Variants in TTC7A observed in about 807,000 individuals in gnomAD.
The protein encoded by TTC7A is tetratricopeptide repeat protein 7A.
In TTC7A, 110 loss-of-function variants were observed where a neutral mutation model predicts 103.7. That is an observed-to-expected ratio of 1.06 (90% CI 0.91 to 1.24). The LOEUF is 1.24. Among genes scored for constraint, TTC7A ranks in the 50% most tolerant of loss-of-function variants. The probability of loss-of-function intolerance (pLI) is 0.00; values close to 1 mark genes in which losing one functional copy is unlikely to be tolerated. For synonymous variants in TTC7A, 521 were observed against 467.9 expected, an observed-to-expected ratio of 1.11 and a Z score of -1.47; for missense variants, 1,340 against 1,116.3, an observed-to-expected ratio of 1.20 and a Z score of -2.86.
intron 2 of TTC7A, among the ~76,000 whole-genome samples, chr2:46,931,418 C>T (rs183788166): frequency 6.9e-4 from 105 of 152,286 alleles, no homozygotes; most frequent in African/African-American, 2.4e-3. Context: ...AAGGACTTTG[C>T]AGAGGTGATT....
At chr2:47,008,054 G>T (rs1193200099) in intron 10 of TTC7A, among the ~76,000 whole-genome samples, 1 of 152,222 alleles carries the variant, frequency 6.6e-6, no homozygotes, top group African/African-American at 2.4e-5. Flanking sequence ...GAAGGCACCG[G>T]TCAGCCTGGG....
intron 11 of TTC7A, among the ~76,000 whole-genome samples, chr2:47,016,823 C>G (rs1344491931): frequency 2.0e-5 from 3 of 152,166 alleles, no homozygotes; most frequent in Non-Finnish European, 4.4e-5. Flanking sequence ...GGCGCTGGGC[C>G]AGTCTGCAGC....
At chr2:47,062,208 A>T (rs760506451) in intron 19 of TTC7A, among the ~76,000 whole-genome samples, 2 of 152,236 alleles carry the variant, frequency 1.3e-5, no homozygotes, top group Non-Finnish European at 2.9e-5. Context: ...AGAGAATGCA[A>T]CGTCATGGGG....
chr2:46,929,145 T>A (rs115878426), intron 2 of TTC7A, among the ~76,000 whole-genome samples: 6 of 151,608 alleles, frequency 4.0e-5, no homozygotes, highest in African/African-American at 1.5e-4. Context: ...CCTGGGGCAA[T>A]AGAGTGGGAC....
intron 2 of TTC7A, among the ~76,000 whole-genome samples, chr2:46,918,730 A>G (rs558815778): frequency 6.6e-6 from 1 of 152,326 alleles, no homozygotes; most frequent in African/African-American, 2.4e-5. Context: ...AACCAATGCT[A>G]TATTTTTGGA....
rs1268744485 is a variant in TTC7A at position 47,006,690 on chromosome 2, A to G, written c.1253A>G (p.Tyr418Cys). Residue 418 changes from tyrosine to cysteine, a missense_variant, in exon 10 of 20, where the codon TAC becomes TGC. Transcript: ENST00000319190. ...GCGTTTGGAGAATTTCACCTTTGGT[A>G]CCAGGTGGCCCTCTCCATGGTGGCT... ...KFAFGEFHLW[Y>C]QVALSMVACG... 2 of 1,614,160 alleles carry G rather than the reference A, an allele frequency of 1.2e-6. No individual in the cohort carries two copies. The highest frequency in any genetic ancestry group is 8.5e-7 in the Non-Finnish European group (1 of 1,179,986).
chr2:47,012,019 C>T (rs903355787), intron 11 of TTC7A, among the ~76,000 whole-genome samples: 1 of 152,230 alleles, frequency 6.6e-6, no homozygotes, highest in South Asian at 2.1e-4. Context: ...GGCCTTTAAC[C>T]CCCCAGTTGG....
At chr2:46,983,272 G>T (rs532895023) in intron 5 of TTC7A, among the ~76,000 whole-genome samples, 143 of 152,328 alleles carry the variant, frequency 9.4e-4, no homozygotes, top group Non-Finnish European at 1.6e-3. Flanking sequence ...CAGAGATGGG[G>T]CTGAGGACGG....
intron 18 of TTC7A, chr2:47,054,202 G>A: frequency 4.1e-6 from 4 of 982,324 alleles, no homozygotes; most frequent in South Asian, 4.7e-5. Flanking sequence ...GCATGTAGCA[G>A]ATCCAAAATA....
At chr2:47,065,407 A>C (rs183560321) in intron 19 of TTC7A, among the ~76,000 whole-genome samples, 237 of 152,360 alleles carry the variant, frequency 1.6e-3, no homozygotes, top group African/African-American at 5.3e-3. Flanking sequence ...TGGGGATGGC[A>C]AATTGTGGGA....
Position 47,007,774 on chromosome 2 carries a change from G to A in TTC7A, c.1287+1050G>A. Among the ~76,000 whole-genome samples the A allele has an allele frequency of 6.6e-6, 1 of 152,196 alleles. No homozygotes were observed. Among genetic ancestry groups the A allele is most frequent in the East Asian group, 1.9e-4 (1 of 5,192 alleles). On this transcript the variant is annotated intron_variant, in intron 10 of 19. Coordinates refer to ENST00000319190, the MANE Select transcript of TTC7A (RefSeq NM_020458.4). The surrounding 1 kb of genome is among the most constrained non-coding windows in gnomAD (Gnocchi z 4.9). ...CCCTACCCCCATCTGCTGGGCATGT[G>A]TCTTTCCAAACCTCTCTCCTCTCCC... is the stretch of plus-strand genomic sequence containing the variant.
At chr2:47,068,943 G>T (rs1044929336) in intron 19 of TTC7A, among the ~76,000 whole-genome samples, 6 of 147,218 alleles carry the variant, frequency 4.1e-5, no homozygotes, top group Non-Finnish European at 6.0e-5. Flanking sequence ...TCCCTGTCCA[G>T]CAGCCCCCTC....
chr2:47,006,082 C>T, intron 9 of TTC7A, 23 bp downstream of exon 9: 13 of 1,608,340 alleles, frequency 8.1e-6, no homozygotes, highest in Middle Eastern at 3.3e-4. Context: ...ATGCAGCCCA[C>T]CCCACTCTCC....
intron 2 of TTC7A, among the ~76,000 whole-genome samples, chr2:46,952,313 C>A (rs530531781): frequency 6.6e-6 from 1 of 152,130 alleles, no homozygotes; most frequent in Non-Finnish European, 1.5e-5. Context: ...GGGGTTCAAG[C>A]TTTTCCCACC....
chr2:47,070,492 A>G (rs765982784), intron 19 of TTC7A, among the ~76,000 whole-genome samples: 1 of 152,088 alleles, frequency 6.6e-6, no homozygotes, highest in Non-Finnish European at 1.5e-5. Flanking sequence ...TCCTTTGGGG[A>G]ATAACAAAGC....
intron 18 of TTC7A, among the ~76,000 whole-genome samples, chr2:47,059,425 GCT>G (rs1683590699): frequency 6.6e-6 from 1 of 152,148 alleles, no homozygotes; most frequent in South Asian, 2.1e-4. Flanking sequence ...TGGCCCATCA[GCT>G]CTCCATCAGG....
chr2:47,061,105 G>T (rs981048773), intron 19 of TTC7A, 134 bp downstream of exon 19: 15 of 936,588 alleles, frequency 1.6e-5, no homozygotes, highest in African/African-American at 1.2e-4. Context: ...GTGTCTAGGG[G>T]AGGGGGCTTC....
At chr2:47,071,728 G>A (rs902300653) in intron 19 of TTC7A, among the ~76,000 whole-genome samples, 9 of 152,112 alleles carry the variant, frequency 5.9e-5, no homozygotes, top group East Asian at 1.9e-4. Flanking sequence ...GCAAACCTCC[G>A]AAACTGAGAA....
At chr2:46,927,233 A>G (rs1669432563) in intron 2 of TTC7A, among the ~76,000 whole-genome samples, 1 of 152,164 alleles carries the variant, frequency 6.6e-6, no homozygotes, top group Non-Finnish European at 1.5e-5. Context: ...TTACAAGATC[A>G]GGATCAAAAA....
Sources: gnomAD v4.1 joint callset for allele counts (sites outside exome capture counted in the v4.1 genomes callset) on GRCh38, gnomAD v4.1.1 for gene constraint, Gnocchi (gnomAD v3.1) non-coding constraint, MANE v1.5 for transcripts, NCBI Gene and HGNC (gene_info 2026-07-23, HGNC 2026-07-21) for gene names.